MCC: variants seen among roughly 807,000 people sequenced by gnomAD.
The protein encoded by MCC is colorectal mutant cancer protein.
MCC carries 90 observed loss-of-function variants against 116.2 expected under a neutral mutation model. The ratio of observed to expected loss-of-function variants is 0.77; its 90% CI spans 0.65 to 0.92. The LOEUF (loss-of-function observed/expected upper bound fraction) is 0.92, where lower values mean the gene tolerates loss of function less well. Ranked by LOEUF, MCC falls within the 40% of genes least tolerant of loss-of-function variation. The pLI is 0.00. For synonymous variants in MCC, 578 were observed against 510.5 expected (o/e 1.13, Z -1.78); for missense variants, 1,516 against 1,312.2 (o/e 1.16, Z -2.40).
intron 14 of MCC, among the ~76,000 whole-genome samples, chr5:113,061,937 T>A (rs1753253521): frequency 6.6e-6 from 1 of 152,220 alleles, no homozygotes; most frequent in Non-Finnish European, 1.5e-5. Context: ...TTATCATAAT[T>A]ATGAAAGGGG....
chr5:113,256,954 T>C (rs1266127238), intron 3 of MCC, among the ~76,000 whole-genome samples: 1 of 152,174 alleles, frequency 6.6e-6, no homozygotes, highest in Non-Finnish European at 1.5e-5. Context: ...GGTGACTAAT[T>C]TCAATTCTTA....
intron 3 of MCC, among the ~76,000 whole-genome samples, chr5:113,220,755 T>A (rs1333001720): frequency 6.6e-6 from 1 of 152,236 alleles, no homozygotes; most frequent in East Asian, 1.9e-4. Flanking sequence ...CAGACAGTTA[T>A]GTTATCTTTG....
At chr5:113,389,715 T>G (rs1024738727) in intron 1 of MCC, among the ~76,000 whole-genome samples, 4 of 152,234 alleles carry the variant, frequency 2.6e-5, no homozygotes, top group Admixed American at 2.6e-4. Context: ...CTTTGAGATG[T>G]GTGCAGCACC....
At chr5:113,461,967 AAT>A (rs1323248224) in intron 1 of MCC, among the ~76,000 whole-genome samples, 1 of 152,200 alleles carries the variant, frequency 6.6e-6, no homozygotes, top group Non-Finnish European at 1.5e-5. Flanking sequence ...ATTACATATG[AAT>A]ATGTCTTTAG....
At chr5:113,264,787 A>G (rs1369436986) in intron 3 of MCC, among the ~76,000 whole-genome samples, 2 of 152,142 alleles carry the variant, frequency 1.3e-5, no homozygotes, top group African/African-American at 4.8e-5. Flanking sequence ...TCAGGCCTGT[A>G]ATCCCAGCAC....
Position 113,024,889 on chromosome 5 carries a change from T to TA in MCC, c.*2412dup, listed in dbSNP as rs558273155. The TA allele has an allele frequency of 6.6e-6, 1 of 152,330 alleles. No individual in the cohort carries two copies. The highest frequency in any genetic ancestry group is 2.4e-5 in the African/African-American group (1 of 41,566). 9.4% of individuals were successfully genotyped at this position (152,330 alleles called of 1,614,324 possible). On this transcript the variant is annotated 3_prime_UTR_variant, in exon 19 of 19. Coordinates refer to ENST00000408903, the MANE Select transcript of MCC (RefSeq NM_001085377.2). ...ATAGCTTTTTTATTATACATATTTATAAAAAATTAACACTTTTGCCTGCAA... is the reference window on the plus strand; with the variant it reads ...ATAGCTTTTTTATTATACATATTTATAAAAAAATTAACACTTTTGCCTGCAA...
intron 13 of MCC, among the ~76,000 whole-genome samples, chr5:113,065,078 T>G (rs947572215): frequency 6.6e-6 from 1 of 152,120 alleles, no homozygotes; most frequent in Non-Finnish European, 1.5e-5. Context: ...AGAGAACTTT[T>G]GGGGCAGTGA....
At chr5:113,031,809 G>A (rs1227661599) in intron 17 of MCC, among the ~76,000 whole-genome samples, 1 of 152,078 alleles carries the variant, frequency 6.6e-6, no homozygotes, top group Non-Finnish European at 1.5e-5. Flanking sequence ...TCTGGATCTG[G>A]CAGGCTCCAA....
intron 1 of MCC, chr5:113,433,610 G>C (rs1034636870): frequency 4.1e-6 from 5 of 1,224,880 alleles, no homozygotes; most frequent in Non-Finnish European, 5.6e-6. Context: ...CAAGGGGAGA[G>C]AGAAGAAGCT....
intron 3 of MCC, among the ~76,000 whole-genome samples, chr5:113,279,281 C>T (rs535175972): frequency 5.9e-5 from 9 of 152,198 alleles, no homozygotes; most frequent in East Asian, 1.9e-4. Flanking sequence ...CAGAGTCACC[C>T]GAAGCATTGC....
intron 3 of MCC, among the ~76,000 whole-genome samples, chr5:113,300,536 G>A (rs1053524290): frequency 1.3e-4 from 20 of 152,140 alleles, no homozygotes; most frequent in African/African-American, 3.6e-4. Context: ...AAATTGGTGG[G>A]ATTTCCTGAA....
chr5:113,208,471 G>A (rs1284820664), intron 3 of MCC, among the ~76,000 whole-genome samples: 2 of 152,018 alleles, frequency 1.3e-5, no homozygotes, highest in African/African-American at 2.4e-5. Context: ...ATGCTGCCCC[G>A]TATAAAAAAA....
intron 1 of MCC, among the ~76,000 whole-genome samples, chr5:113,461,061 C>G (rs777304481): frequency 6.6e-6 from 1 of 152,164 alleles, no homozygotes; most frequent in Non-Finnish European, 1.5e-5. Context: ...GAGTTTGAGA[C>G]CAGCCTGGGC....
intron 14 of MCC, among the ~76,000 whole-genome samples, chr5:113,058,496 G>A (rs768927110): frequency 5.3e-5 from 8 of 152,172 alleles, no homozygotes; most frequent in Non-Finnish European, 1.0e-4. Context: ...GCACGCTTAG[G>A]TGTGAGAAGC....
chr5:113,363,383 G>A (rs1270665436), intron 2 of MCC, among the ~76,000 whole-genome samples: 1 of 152,198 alleles, frequency 6.6e-6, no homozygotes, highest in Non-Finnish European at 1.5e-5. Flanking sequence ...GAAGCATGAT[G>A]CCAGTATCCA....
At chr5:113,104,458 T>A in intron 6 of MCC, 103 bp from the exon 7 acceptor site, 1 of 1,039,558 alleles carries the variant, frequency 9.6e-7, no homozygotes, top group Non-Finnish European at 1.4e-6. Context: ...CAATGGAGCC[T>A]GACATTTCAA....
intron 4 of MCC, among the ~76,000 whole-genome samples, chr5:113,145,575 G>C (rs1232507470): frequency 6.6e-6 from 1 of 152,106 alleles, no homozygotes; most frequent in African/African-American, 2.4e-5. Flanking sequence ...GGTTTATATA[G>C]AGAAAGGCAC....
chr5:113,433,702 T>C (rs1770741430), intron 1 of MCC: 2 of 1,585,092 alleles, frequency 1.3e-6, no homozygotes, highest in African/African-American at 1.3e-5. Context: ...CTTTAAGCCG[T>C]GAGCTCCATC....
chr5:113,310,842 G>A (rs1230238385), intron 3 of MCC, among the ~76,000 whole-genome samples: 4 of 152,110 alleles, frequency 2.6e-5, no homozygotes, highest in Admixed American at 2.6e-4. Context: ...ACATTTCTCT[G>A]GATTCTTGAG....
Sources: gnomAD v4.1 joint callset for allele counts (sites outside exome capture counted in the v4.1 genomes callset) on GRCh38, gnomAD v4.1.1 for gene constraint, MANE v1.5 for transcripts, NCBI Gene and HGNC (gene_info 2026-07-23, HGNC 2026-07-21) for gene names.